Variants in DMD observed in about 807,000 individuals in gnomAD.
DMD encodes mutant dystrophin.
A neutral mutation model predicts 330.1 loss-of-function variants in DMD; 63 were observed. That is an observed-to-expected ratio of 0.19 (90% confidence interval 0.16 to 0.24). DMD has a LOEUF of 0.24. Among genes scored for constraint, DMD ranks in the 10% least tolerant of loss-of-function variants. The probability of loss-of-function intolerance (pLI) is 1.00; values close to 1 mark genes in which losing one functional copy is unlikely to be tolerated. For missense variants in DMD, 3,344 were observed against 2,684.1 expected (o/e 1.25, Z -5.43); for synonymous variants, 1,223 against 959.8 (o/e 1.27, Z -5.07).
intron 1 of DMD, among the ~76,000 whole-genome samples, chrX:33,128,835 G>T (rs2095480509): frequency 8.9e-6 from 1 of 111,887 alleles, no homozygotes; most frequent in East Asian, 2.8e-4. Context: ...AACCAACAGT[G>T]CTTGACATAC....
chrX:33,006,578 G>C (rs1204730281), intron 2 of DMD, among the ~76,000 whole-genome samples: 1 of 111,346 alleles, frequency 9.0e-6, no homozygotes, highest in Non-Finnish European at 1.9e-5. Flanking sequence ...CACTCTATCA[G>C]ATCAGAAGAG....
At chrX:32,140,922 A>G (rs2096749306) in intron 44 of DMD, among the ~76,000 whole-genome samples, 1 of 111,522 alleles carries the variant, frequency 9.0e-6, no homozygotes, top group Non-Finnish European at 1.9e-5. Context: ...CAGTTATTGA[A>G]GGAAAAATGG....
chrX:32,331,536 A>C (rs2097679830), intron 41 of DMD, among the ~76,000 whole-genome samples: 1 of 111,495 alleles, frequency 9.0e-6, no homozygotes, highest in African/African-American at 3.2e-5. Flanking sequence ...GAATGTGCTA[A>C]ATTTCCACTT....
intron 1 of DMD, among the ~76,000 whole-genome samples, chrX:33,056,462 G>A (rs1341321590): frequency 9.1e-6 from 1 of 110,168 alleles, no homozygotes; most frequent in Admixed American, 9.7e-5. Context: ...CAGGGTTCAA[G>A]CGATTCTCCT....
At chrX:33,091,808 G>A (rs2095088829) in intron 1 of DMD, among the ~76,000 whole-genome samples, 1 of 111,672 alleles carries the variant, frequency 9.0e-6, no homozygotes, top group African/African-American at 3.2e-5. Context: ...CTTTGCTTCA[G>A]CTACATGTGT....
chrX:31,695,904 A>T (rs1194365026), intron 52 of DMD, among the ~76,000 whole-genome samples: 1 of 111,218 alleles, frequency 9.0e-6, no homozygotes, highest in Admixed American at 9.6e-5. Flanking sequence ...TATATTTCCA[A>T]ATAGCTAAAA....
chrX:31,286,822 C>T (rs1027145720), intron 62 of DMD, among the ~76,000 whole-genome samples: 3 of 112,201 alleles, frequency 2.7e-5, no homozygotes, highest in South Asian at 3.8e-4. Flanking sequence ...TGGAGTGCAG[C>T]GGCGTGATCT....
At chrX:31,184,070 G>A (rs1253181189) in intron 67 of DMD, among the ~76,000 whole-genome samples, 5 of 110,113 alleles carry the variant, frequency 4.5e-5, no homozygotes, top group Non-Finnish European at 7.6e-5. Flanking sequence ...CACCCCACCC[G>A]GCTACTTTTT....
chrX:32,748,424 AC>A (rs1319505109), intron 7 of DMD, among the ~76,000 whole-genome samples: 1 of 111,137 alleles, frequency 9.0e-6, no homozygotes, highest in East Asian at 2.8e-4. Context: ...ATCCTGTTAT[AC>A]AGATAAGAAA....
intron 29 of DMD, among the ~76,000 whole-genome samples, chrX:32,423,106 C>G (rs2098197007): frequency 9.0e-6 from 1 of 111,070 alleles, no homozygotes; most frequent in South Asian, 3.7e-4. Flanking sequence ...AAATTTATCA[C>G]TAAAATGCTA....
At chrX:32,339,244 A>C (rs993914295) in intron 41 of DMD, among the ~76,000 whole-genome samples, 5 of 111,766 alleles carry the variant, frequency 4.5e-5, no homozygotes, top group Non-Finnish European at 9.4e-5. Flanking sequence ...TGTTTATCCA[A>C]GAGTTAATTT....
chrX:33,309,013 T>C (rs1292568168), intron 1 of DMD, among the ~76,000 whole-genome samples: 1 of 111,462 alleles, frequency 9.0e-6, no homozygotes, highest in Non-Finnish European at 1.9e-5. Context: ...AGAGGATGCA[T>C]TCGGGGCATT....
intron 50 of DMD, among the ~76,000 whole-genome samples, chrX:31,781,646 T>C (rs767627149): frequency 1.3e-3 from 150 of 112,048 alleles, no homozygotes; most frequent in African/African-American, 4.8e-3. Flanking sequence ...CTTCTATAAC[T>C]AACATTATAT....
chrX:31,918,074 C>T (rs943340888), intron 47 of DMD, among the ~76,000 whole-genome samples: 1 of 112,638 alleles, frequency 8.9e-6, no homozygotes, highest in Non-Finnish European at 1.9e-5. Context: ...ACCTGCCGTA[C>T]ATTAAAGTTT....
intron 63 of DMD, among the ~76,000 whole-genome samples, chrX:31,247,167 C>T (rs971308785): frequency 7.2e-5 from 8 of 111,730 alleles, no homozygotes; most frequent in Admixed American, 1.9e-4. Flanking sequence ...TTTTCATGCC[C>T]GCTTACACAA....
chrX:31,336,069 G>T (rs915294539), intron 61 of DMD, among the ~76,000 whole-genome samples: 1 of 112,779 alleles, frequency 8.9e-6, no homozygotes, highest in African/African-American at 3.2e-5. Context: ...GGCAGCTGAT[G>T]CAATTCCTGA....
At chrX:33,185,053 TATGCAGAG>T (rs2050189813) in intron 1 of DMD, among the ~76,000 whole-genome samples, 1 of 110,499 alleles carries the variant, frequency 9.0e-6, no homozygotes, top group African/African-American at 3.3e-5. Flanking sequence ...GAGCCAGTAT[TATGCAGAG>T]ATCAGCCTGC....
intron 7 of DMD, among the ~76,000 whole-genome samples, chrX:32,792,588 A>T (rs758489105): frequency 1.8e-5 from 2 of 112,285 alleles, no homozygotes; most frequent in Non-Finnish European, 3.8e-5. Flanking sequence ...TTTCACCTGT[A>T]AAGACACATA....
intron 44 of DMD, among the ~76,000 whole-genome samples, chrX:32,112,710 A>G (rs766139881): frequency 5.6e-4 from 63 of 112,043 alleles, no homozygotes; most frequent in African/African-American, 1.8e-3. Flanking sequence ...ACTGATATTT[A>G]GACCACAAAG....
Sources: allele counts gnomAD v4.1 joint callset (sites outside exome capture counted in the v4.1 genomes callset), GRCh38; gene constraint gnomAD v4.1.1; transcripts MANE v1.5; gene names NCBI Gene and HGNC (gene_info 2026-07-23, HGNC 2026-07-21).